The following JMJD1C variants were observed in gnomAD, a reference collection of about 807,000 sequenced individuals.
JMJD1C encodes the protein jumonji domain-containing protein 1C.
In JMJD1C, 31 loss-of-function variants were observed where a neutral mutation model predicts 245.3. The observed-to-expected ratio is 0.13, with a 90% CI of 0.09 to 0.17. JMJD1C has a LOEUF of 0.17. JMJD1C is among the 10% of genes least tolerant of loss of function. The probability of loss-of-function intolerance (pLI) is 1.00; values close to 1 mark genes in which losing one functional copy is unlikely to be tolerated. For synonymous variants in JMJD1C, 1,057 were observed against 1,017.4 expected, an observed-to-expected ratio of 1.04 and a Z score of -0.74; for missense variants, 2,691 against 3,000.2, an observed-to-expected ratio of 0.90 and a Z score of 2.41.
At chr10:63,321,048 T>A (rs987632509) in intron 2 of JMJD1C, among the ~76,000 whole-genome samples, 4 of 151,952 alleles carry the variant, frequency 2.6e-5, no homozygotes, top group Admixed American at 2.0e-4. Context: ...AAAAATAGAG[T>A]TTGAATGAGG....
intron 1 of JMJD1C, among the ~76,000 whole-genome samples, chr10:63,433,823 C>A (rs1950914931): frequency 6.6e-6 from 1 of 150,602 alleles, no homozygotes. Flanking sequence ...TCAAGCAATC[C>A]TCCCACCTCA....
chr10:63,360,201 G>T (rs926078820), intron 2 of JMJD1C, among the ~76,000 whole-genome samples: 5 of 151,988 alleles, frequency 3.3e-5, no homozygotes, highest in African/African-American at 7.2e-5. Context: ...ATTCTTAGAA[G>T]AATGATCCTC....
At chr10:63,274,705 C>CT (rs1274194182) in intron 2 of JMJD1C, among the ~76,000 whole-genome samples, 3 of 152,220 alleles carry the variant, frequency 2.0e-5, no homozygotes, top group Non-Finnish European at 4.4e-5. Context: ...GACCTTAAGA[C>CT]TTTTTTAACT....
chr10:63,313,929 A>T (rs1473020301), intron 2 of JMJD1C, among the ~76,000 whole-genome samples: 2 of 152,154 alleles, frequency 1.3e-5, no homozygotes, highest in Non-Finnish European at 2.9e-5. Context: ...AAGCTCTTTA[A>T]GTCCCACCTA....
At chr10:63,322,243 T>C (rs1940959885) in intron 2 of JMJD1C, among the ~76,000 whole-genome samples, 1 of 152,098 alleles carries the variant, frequency 6.6e-6, no homozygotes, top group Non-Finnish European at 1.5e-5. Context: ...TTAAAATGAG[T>C]GGATGTCAGT....
chr10:63,210,884 C>T (rs779527119), intron 8 of JMJD1C, among the ~76,000 whole-genome samples: 2 of 152,138 alleles, frequency 1.3e-5, no homozygotes, highest in East Asian at 1.9e-4. Flanking sequence ...CTCCCATCTA[C>T]GACAAAAGCA....
Position 63,264,767 on chromosome 10 carries a change from G to A in JMJD1C, c.334-3C>T, listed in dbSNP as rs1448005693. 2.1e-6 allele frequency: 3 copies of A among 1,454,812 alleles called. No individual in the cohort carries two copies. The highest frequency in any genetic ancestry group is 2.8e-6 in the Non-Finnish European group (3 of 1,057,884). The allele number at this position is 1,454,812 out of a possible 1,614,324, so 90.1% of individuals were successfully genotyped here. A position where few individuals can be genotyped will look rare whatever the true frequency, so the allele number is the denominator to read the frequency against. On this transcript the variant is annotated splice_region_variant and splice_polypyrimidine_tract_variant and intron_variant, in intron 2 of 25. Transcript: ENST00000399262. ...CTTTCAACCAGAGGTTTGAAAGTCT[G>A]CCAAGAAAAAAAAAATTTCTAATGA...
intron 10 of JMJD1C, chr10:63,204,617 TGAGG>T: frequency 1.0e-6 from 1 of 985,366 alleles, no homozygotes; most frequent in Non-Finnish European, 1.2e-6. Flanking sequence ...ATGGGGGTAG[TGAGG>T]GAGAGTAAGG....
intron 1 of JMJD1C, among the ~76,000 whole-genome samples, chr10:63,471,103 T>C (rs1953479834): frequency 6.6e-6 from 1 of 152,174 alleles, no homozygotes; most frequent in Non-Finnish European, 1.5e-5. Flanking sequence ...AACTATTAAC[T>C]ACCATTAAAA....
intron 2 of JMJD1C, among the ~76,000 whole-genome samples, chr10:63,285,688 G>C (rs1315814985): frequency 6.6e-6 from 1 of 152,054 alleles, no homozygotes; most frequent in Non-Finnish European, 1.5e-5. Context: ...TGTGCCTCTA[G>C]TCCCAGCTAC....
chr10:63,283,447 ACCT>A (rs1295441020), intron 2 of JMJD1C, among the ~76,000 whole-genome samples: 1 of 147,078 alleles, frequency 6.8e-6, no homozygotes, highest in African/African-American at 2.5e-5. Flanking sequence ...GCTCACTGTG[ACCT>A]CCGCTTCCCA....
Position 63,200,511 on chromosome 10 carries a change from G to A in JMJD1C, c.5241C>T (p.His1747=), listed in dbSNP as rs1845896422. 2 of 1,613,870 alleles carry A rather than the reference G, an allele frequency of 1.2e-6. No individual in the cohort carries two copies. The highest frequency in any genetic ancestry group is 1.7e-6 in the Non-Finnish European group (2 of 1,179,852). ...IRSKKGEEPA[H]SPVFCRFYYF... is the part of the protein sequence containing the mutation. ...AGTAAAATCTACAAAATACTGGTGA[G>A]TGAGCTGGTTCTTCTCCTTTTTTAC... Residue 1747 remains histidine (H), a synonymous_variant, in exon 11 of 26, where the codon CAC becomes CAT. Coordinates refer to ENST00000399262, the MANE Select transcript of JMJD1C (RefSeq NM_032776.3).
intron 8 of JMJD1C, among the ~76,000 whole-genome samples, chr10:63,212,193 CTA>C (rs999234237): frequency 4.6e-5 from 7 of 152,070 alleles, no homozygotes; most frequent in African/African-American, 1.7e-4. Flanking sequence ...TGTTTAATGG[CTA>C]TAGTTTCAGT....
chr10:63,440,242 G>A (rs1280884058), intron 1 of JMJD1C, among the ~76,000 whole-genome samples: 1 of 151,886 alleles, frequency 6.6e-6, no homozygotes, highest in Non-Finnish European at 1.5e-5. Context: ...GGCTGAGGCA[G>A]GAGAATCGCT....
intron 2 of JMJD1C, among the ~76,000 whole-genome samples, chr10:63,374,283 G>C (rs2134451430): frequency 6.6e-6 from 1 of 152,058 alleles, no homozygotes; most frequent in Non-Finnish European, 1.5e-5. Flanking sequence ...CCTATTAAAG[G>C]AATGCAAATT....
At chr10:63,428,565 C>A (rs1950571646) in intron 1 of JMJD1C, among the ~76,000 whole-genome samples, 2 of 152,088 alleles carry the variant, frequency 1.3e-5, no homozygotes, top group African/African-American at 2.4e-5. Flanking sequence ...AGATGAGAAA[C>A]TTTTCAGTGA....
At chr10:63,387,584 C>A (rs1488258061) in intron 1 of JMJD1C, among the ~76,000 whole-genome samples, 1 of 138,458 alleles carries the variant, frequency 7.2e-6, no homozygotes, top group Admixed American at 7.3e-5. Context: ...CAGAACTTGA[C>A]AGACCTTTTG....
rs1006769696 is a variant in JMJD1C, at chr10:63,440,375, G to T, written c.168+25120C>A. On this transcript the variant is annotated intron_variant, in intron 1 of 25. Coordinates refer to ENST00000399262, the MANE Select transcript of JMJD1C (RefSeq NM_032776.3). ...AAAAATATATATATATAGAGAGAGA[G>T]AGAGAGAGAGAGAGCGCAAGCGTGC... 1.1e-4 allele frequency among the ~76,000 whole-genome samples: 17 copies of T among 149,468 alleles called. No homozygotes were observed. In the East Asian group the frequency reaches 2.4e-3, roughly 21 times the overall value.
intron 1 of JMJD1C, among the ~76,000 whole-genome samples, chr10:63,483,109 AAT>A (rs1953880371): frequency 6.6e-6 from 1 of 152,236 alleles, no homozygotes; most frequent in African/African-American, 2.4e-5. Context: ...TGTCAATCAA[AAT>A]AGTCTTTAAA....
Sources: gnomAD v4.1 joint callset for allele counts (sites outside exome capture counted in the v4.1 genomes callset) on GRCh38, gnomAD v4.1.1 for gene constraint, MANE v1.5 for transcripts, NCBI Gene and HGNC (gene_info 2026-07-23, HGNC 2026-07-21) for gene names.